TAFA4: variants seen among roughly 807,000 people sequenced by gnomAD.
The protein encoded by TAFA4 is TAFA chemokine like family member 4.
A neutral mutation model predicts 21.1 loss-of-function variants in TAFA4; 20 were observed. The ratio of observed to expected loss-of-function variants is 0.95; its 90% CI spans 0.67 to 1.38. The LOEUF (loss-of-function observed/expected upper bound fraction) is 1.38. TAFA4 is among the 40% of genes most tolerant of loss of function. TAFA4 has a pLI of 0.00. For synonymous variants in TAFA4, 71 were observed against 67.4 expected (o/e 1.05, Z -0.26); for missense variants, 211 against 180.9 (o/e 1.17, Z -0.95).
chr3:68,930,118 G>C (rs1313332882), intron 1 of TAFA4, among the ~76,000 whole-genome samples: 1 of 152,166 alleles, frequency 6.6e-6, no homozygotes, highest in East Asian at 1.9e-4. Context: ...TGGTAGCGGG[G>C]AGCAAAGGAG....
chr3:68,774,065 C>A (rs1703006613), intron 3 of TAFA4, among the ~76,000 whole-genome samples: 1 of 152,018 alleles, frequency 6.6e-6, no homozygotes, highest in Non-Finnish European at 1.5e-5. Flanking sequence ...TCAAGCTAGG[C>A]CTGGGGGTAG....
In TAFA4 at chr3:68,880,627, AC is replaced by A. The variant is rs1347725814; in HGVS notation, c.130+102del. 11 of 891,360 alleles carry A rather than the reference AC, an allele frequency of 1.2e-5. No homozygotes were observed. The South Asian group carries it at 1.7e-4, about 14-fold the overall frequency. The allele number at this position is 891,360 out of a possible 1,614,324, so 55.2% of individuals were successfully genotyped here. A position where few individuals can be genotyped will look rare whatever the true frequency, so the allele number is the denominator to read the frequency against. On this transcript the variant is annotated intron_variant, in intron 3 of 5. Transcript: ENST00000295569. ...TCATGCTTCCTCTAGTTATTTACACACCATCAGAAGCTCACATCAGTTATCT... is the reference window on the plus strand; with the variant it reads ...TCATGCTTCCTCTAGTTATTTACACACATCAGAAGCTCACATCAGTTATCT...
At chr3:68,794,439 T>A (rs1703419095) in intron 3 of TAFA4, among the ~76,000 whole-genome samples, 2 of 152,202 alleles carry the variant, frequency 1.3e-5, no homozygotes, top group Admixed American at 6.5e-5. Flanking sequence ...TAAAGTCCCT[T>A]ACTTTCAAAT....
intron 3 of TAFA4, among the ~76,000 whole-genome samples, chr3:68,860,111 A>G (rs1559545877): frequency 6.6e-6 from 1 of 152,046 alleles, no homozygotes; most frequent in Non-Finnish European, 1.5e-5. Flanking sequence ...GACAGAGTCA[A>G]TTTGTAATTG....
At chr3:68,744,799 C>T (rs1331658055) in intron 4 of TAFA4, among the ~76,000 whole-genome samples, 1 of 152,156 alleles carries the variant, frequency 6.6e-6, no homozygotes, top group Non-Finnish European at 1.5e-5. Context: ...AAGACCAAGA[C>T]AGAACTCTTA....
chr3:68,861,549 T>A (rs1425213076), intron 3 of TAFA4, among the ~76,000 whole-genome samples: 1 of 151,974 alleles, frequency 6.6e-6, no homozygotes, highest in Non-Finnish European at 1.5e-5. Context: ...CATAATATTA[T>A]AATAAAGACC....
intron 3 of TAFA4, among the ~76,000 whole-genome samples, chr3:68,761,380 A>G (rs936784544): frequency 3.3e-5 from 5 of 152,224 alleles, no homozygotes; most frequent in South Asian, 2.1e-4. Context: ...TTCATATTTT[A>G]GTGACAGGAA....
At chr3:68,788,479 T>G (rs908244546) in intron 3 of TAFA4, among the ~76,000 whole-genome samples, 2 of 152,246 alleles carry the variant, frequency 1.3e-5, no homozygotes, top group African/African-American at 2.4e-5. Context: ...TGATGCAGTT[T>G]CCACTCATTT....
At chr3:68,925,035 A>G (rs1486291482) in intron 1 of TAFA4, among the ~76,000 whole-genome samples, 1 of 152,196 alleles carries the variant, frequency 6.6e-6, no homozygotes, top group African/African-American at 2.4e-5. Context: ...GCAGACTCAC[A>G]GCCATCCTCT....
rs148519887 is a variant in TAFA4 at position 68,854,858 on chromosome 3, G to C, written c.130+25872C>G. Among the ~76,000 whole-genome samples, 3 of 152,056 alleles carry C rather than the reference G, an allele frequency of 2.0e-5. No homozygotes were observed. In the East Asian group the frequency reaches 5.8e-4, roughly 29 times the overall value. ...GAAAACAGACTTGAAAAACAGAAAA[G>C]AAATATTTTACCGAGCTCTCCAAAA... On this transcript the variant is annotated intron_variant, in intron 3 of 5. Transcript: ENST00000295569.
At position 68,914,223 on chromosome 3, in the gene TAFA4, T is replaced by C. The variant is rs562577795; in HGVS notation, c.-123+18017A>G. ...CTACTGTTACAGGTAACAGCAGACATAGAGTTGGGCAAAAAACTTAGGGAA... is the reference window on the plus strand; with the variant it reads ...CTACTGTTACAGGTAACAGCAGACACAGAGTTGGGCAAAAAACTTAGGGAA... On this transcript the variant is annotated intron_variant, in intron 1 of 5. Transcript: ENST00000295569. 3.3e-5 allele frequency among the ~76,000 whole-genome samples: 5 copies of C among 152,262 alleles called. No homozygotes were observed. The South Asian group carries it at 8.3e-4, about 25-fold the overall frequency.
intron 3 of TAFA4, among the ~76,000 whole-genome samples, chr3:68,838,974 T>G (rs548936708): frequency 6.6e-6 from 1 of 152,276 alleles, no homozygotes; most frequent in South Asian, 2.1e-4. Flanking sequence ...GAGGCGCACC[T>G]GTAGTCCCAG....
At chr3:68,890,188 G>C (rs193226709) in intron 1 of TAFA4, among the ~76,000 whole-genome samples, 6 of 152,154 alleles carry the variant, frequency 3.9e-5, no homozygotes, top group African/African-American at 1.4e-4. Context: ...AGACAGAAGA[G>C]CAGGATAGAG....
intron 3 of TAFA4, among the ~76,000 whole-genome samples, chr3:68,880,480 G>T (rs1054520654): frequency 2.0e-5 from 3 of 152,052 alleles, no homozygotes; most frequent in African/African-American, 7.2e-5. Context: ...GGGATTCCTT[G>T]AGAAAAACTG....
chr3:68,768,987 G>T (rs2106779439), intron 3 of TAFA4, among the ~76,000 whole-genome samples: 1 of 152,296 alleles, frequency 6.6e-6, no homozygotes, highest in Middle Eastern at 3.4e-3. Flanking sequence ...CAAAGTTACA[G>T]TTAGAGACGA....
intron 3 of TAFA4, among the ~76,000 whole-genome samples, chr3:68,864,366 A>G (rs1037400816): frequency 6.6e-6 from 1 of 152,166 alleles, no homozygotes; most frequent in African/African-American, 2.4e-5. Context: ...ATTAGCCATT[A>G]GGTTCATGCA....
At chr3:68,812,524 C>A (rs935202869) in intron 3 of TAFA4, among the ~76,000 whole-genome samples, 1 of 152,054 alleles carries the variant, frequency 6.6e-6, no homozygotes, top group Non-Finnish European at 1.5e-5. Flanking sequence ...GGGTTGCAAT[C>A]CTAGTCTCTG....
At chr3:68,798,337 A>G (rs1386790058) in intron 3 of TAFA4, among the ~76,000 whole-genome samples, 1 of 152,210 alleles carries the variant, frequency 6.6e-6, no homozygotes, top group Non-Finnish European at 1.5e-5. Context: ...TCTTGTAATT[A>G]TGGAGCAAAG....
chr3:68,819,540 T>C lies in TAFA4; in HGVS notation c.130+61190A>G, dbSNP rs577664307. On this transcript the variant is annotated intron_variant, in intron 3 of 5. Transcript: ENST00000295569. Reference sequence around the variant, plus strand: ...GGAAGAGACAACTCATGGATTGTATTTGCAAAACAAGAACCAGACAGGGAG... The same window carrying C: ...GGAAGAGACAACTCATGGATTGTATCTGCAAAACAAGAACCAGACAGGGAG... 1.3e-3 allele frequency among the ~76,000 whole-genome samples: 192 copies of C among 152,290 alleles called. 2 individuals carry two copies. Among genetic ancestry groups the C allele is most frequent in the African/African-American group, 4.5e-3 (189 of 41,572 alleles).
Sources: allele counts gnomAD v4.1 joint callset (sites outside exome capture counted in the v4.1 genomes callset), GRCh38; gene constraint gnomAD v4.1.1; transcripts MANE v1.5; gene names NCBI Gene and HGNC (gene_info 2026-07-23, HGNC 2026-07-21).